The following PDE3B variants were observed in gnomAD, a reference collection of about 807,000 sequenced individuals.
PDE3B encodes the protein phosphodiesterase 3B.
Under a neutral mutation model 116.8 loss-of-function variants are expected in PDE3B, and 66 were observed. That is an observed-to-expected ratio of 0.56 (90% CI 0.46 to 0.69). The LOEUF (loss-of-function observed/expected upper bound fraction) is 0.69. Ranked by LOEUF, PDE3B falls within the 30% of genes least tolerant of loss-of-function variation. PDE3B has a pLI of 0.00. For missense variants in PDE3B, 1,384 were observed against 1,368.1 expected, an observed-to-expected ratio of 1.01 and a Z score of -0.18; for synonymous variants, 595 against 533.6, an observed-to-expected ratio of 1.12 and a Z score of -1.59.
At chr11:14,755,841 C>G (rs1181166310) in intron 1 of PDE3B, among the ~76,000 whole-genome samples, 1 of 152,088 alleles carries the variant, frequency 6.6e-6, no homozygotes, top group Admixed American at 6.6e-5. Context: ...CTATCTGACC[C>G]TTATATACAA....
intron 5 of PDE3B, among the ~76,000 whole-genome samples, chr11:14,805,713 G>A (rs1192650152): frequency 6.6e-6 from 1 of 152,132 alleles, no homozygotes; most frequent in Non-Finnish European, 1.5e-5. Context: ...AGTTTCTTAG[G>A]CAGGGGGAAA....
chr11:14,786,632 C>A lies in PDE3B; in HGVS notation c.1225C>A (p.Pro409Thr), dbSNP rs148639185. 2 of 1,612,388 alleles carry A rather than the reference C, an allele frequency of 1.2e-6. No homozygotes were observed. The highest frequency in any genetic ancestry group is 1.7e-6 in the Non-Finnish European group (2 of 1,178,778). ...TCTCACACCATTTCCTGGATTTTAC[C>A]CCTGTTCTGAAATAGAGGACCCAGC... ...NPLTPFPGFY[P>T]CSEIEDPAEK... The change falls in exon 3 of 16, where the codon CCC becomes ACC. Residue 409 changes from proline to threonine, a missense_variant. Pro to Thr is a conservative substitution (Grantham distance 38). Coordinates refer to ENST00000282096, the MANE Select transcript of PDE3B (RefSeq NM_000922.4).
chr11:14,737,306 G>A (rs972568381), intron 1 of PDE3B, among the ~76,000 whole-genome samples: 3 of 151,782 alleles, frequency 2.0e-5, no homozygotes, highest in Admixed American at 6.6e-5. Context: ...CTGTTCTCCT[G>A]CCTCAGCCTC....
intron 1 of PDE3B, among the ~76,000 whole-genome samples, chr11:14,694,624 G>A (rs1855148915): frequency 2.0e-5 from 3 of 152,060 alleles, no homozygotes; most frequent in Admixed American, 1.3e-4. Context: ...ACAGTATAGT[G>A]TAAATATACT....
At chr11:14,846,818 A>C (rs1402047501) in intron 12 of PDE3B, among the ~76,000 whole-genome samples, 1 of 152,206 alleles carries the variant, frequency 6.6e-6, no homozygotes, top group African/African-American at 2.4e-5. Flanking sequence ...CACCCAATAC[A>C]GGAGCACCCA....
At chr11:14,694,591 A>T (rs1476251845) in intron 1 of PDE3B, among the ~76,000 whole-genome samples, 1 of 152,184 alleles carries the variant, frequency 6.6e-6, no homozygotes, top group African/African-American at 2.4e-5. Flanking sequence ...TCTTTAAGAC[A>T]TAATGCTACT....
chr11:14,776,954 G>T (rs1317498046), intron 2 of PDE3B, among the ~76,000 whole-genome samples: 1 of 152,036 alleles, frequency 6.6e-6, no homozygotes, highest in Non-Finnish European at 1.5e-5. Context: ...GAATTATCTG[G>T]CAAGGATTTT....
chr11:14,826,784 A>G (rs1482702972), intron 7 of PDE3B, among the ~76,000 whole-genome samples: 1 of 79,312 alleles, frequency 1.3e-5, no homozygotes, highest in African/African-American at 5.2e-5. Context: ...TTACAAAAAA[A>G]TGAGGAGGAA....
intron 12 of PDE3B, among the ~76,000 whole-genome samples, chr11:14,847,191 C>G (rs1392090932): frequency 2.0e-5 from 3 of 152,166 alleles, no homozygotes; most frequent in Non-Finnish European, 4.4e-5. Flanking sequence ...GACACTCACT[C>G]AAAACCGCTC....
chr11:14,696,715 ATATAT>A (rs1242177470), intron 1 of PDE3B, among the ~76,000 whole-genome samples: 1 of 151,934 alleles, frequency 6.6e-6, no homozygotes, highest in Non-Finnish European at 1.5e-5. Flanking sequence ...CTTTTGTGGG[ATATAT>A]GTATTGGGAA....
chr11:14,685,221 T>C (rs1357594614), intron 1 of PDE3B, among the ~76,000 whole-genome samples: 1 of 152,004 alleles, frequency 6.6e-6, no homozygotes. Context: ...TAAAATGAAA[T>C]CTTCACAATT....
chr11:14,723,990 G>A (rs1234302922), intron 1 of PDE3B, among the ~76,000 whole-genome samples: 5 of 152,148 alleles, frequency 3.3e-5, no homozygotes, highest in African/African-American at 4.8e-5. Context: ...CAGATATTAT[G>A]TTAAGGTTTT....
chr11:14,826,166 T>G (rs1859680209), intron 7 of PDE3B, among the ~76,000 whole-genome samples: 1 of 152,018 alleles, frequency 6.6e-6, no homozygotes, highest in Non-Finnish European at 1.5e-5. Context: ...ATCAAAAATT[T>G]AGAGAGATCC....
Position 14,644,429 on chromosome 11 carries a change from C to T in PDE3B, c.354C>T (p.Ser118=). ...CGCTGCTGAGCGTGTGTTCGCACAGCTTGAGCCCCCTCTTCAGCATCGCCT... is the reference window on the plus strand; with the variant it reads ...CGCTGCTGAGCGTGTGTTCGCACAGTTTGAGCCCCCTCTTCAGCATCGCCT... The part of the protein sequence containing the change: ...LRTLLSVCSH[S]LSPLFSIACA... The change falls in exon 1 of 16, where the codon AGC becomes AGT. Residue 118 remains serine, a synonymous_variant. Transcript: ENST00000282096. 2 of 1,612,528 alleles carry T rather than the reference C, an allele frequency of 1.2e-6. No individual in the cohort carries two copies. Among genetic ancestry groups the T allele is most frequent in the East Asian group, 2.2e-5 (1 of 44,748 alleles).
intron 1 of PDE3B, among the ~76,000 whole-genome samples, chr11:14,737,361 G>C (rs1856631671): frequency 6.6e-6 from 1 of 152,124 alleles, no homozygotes; most frequent in African/African-American, 2.4e-5. Context: ...ACTATGCCCA[G>C]CTAATTTTTT....
At chr11:14,674,608 T>G (rs1350212105) in intron 1 of PDE3B, 10 of 306,836 alleles carry the variant, frequency 3.3e-5, no homozygotes, top group Non-Finnish European at 5.8e-5. Context: ...ACTAAAACTT[T>G]ACTAACTTTG....
chr11:14,782,923 T>C (rs2133911727), intron 2 of PDE3B, among the ~76,000 whole-genome samples: 1 of 151,780 alleles, frequency 6.6e-6, no homozygotes, highest in African/African-American at 2.4e-5. Flanking sequence ...AAGAAAAAAA[T>C]CAAACAACCC....
At chr11:14,723,088 C>T (rs1043586704) in intron 1 of PDE3B, among the ~76,000 whole-genome samples, 2 of 152,182 alleles carry the variant, frequency 1.3e-5, no homozygotes, top group African/African-American at 4.8e-5. Flanking sequence ...CAATAGATAA[C>T]ATGTATTGAA....
At chr11:14,833,083 C>G (rs1420162351) in intron 10 of PDE3B, among the ~76,000 whole-genome samples, 1 of 151,926 alleles carries the variant, frequency 6.6e-6, no homozygotes, top group Admixed American at 6.6e-5. Context: ...TCGCAGGTAG[C>G]TGGGATTACA....
Sources: allele counts gnomAD v4.1 joint callset (sites outside exome capture counted in the v4.1 genomes callset), GRCh38; gene constraint gnomAD v4.1.1; transcripts MANE v1.5; gene names NCBI Gene and HGNC (gene_info 2026-07-23, HGNC 2026-07-21).